The following IKZF2 variants were observed in gnomAD, a reference collection of about 807,000 sequenced individuals.
IKZF2 encodes zinc finger protein Helios.
IKZF2 carries 15 observed loss-of-function variants against 49.2 expected under a neutral mutation model. That is an observed-to-expected ratio of 0.30 (90% confidence interval 0.20 to 0.47). The LOEUF (loss-of-function observed/expected upper bound fraction) is 0.47, where lower values mean the gene tolerates loss of function less well. Among genes scored for constraint, IKZF2 ranks in the 20% least tolerant of loss-of-function variants. The probability of loss-of-function intolerance (pLI) is 1.00; values close to 1 mark genes in which losing one functional copy is unlikely to be tolerated. For missense variants in IKZF2, 567 were observed against 664.6 expected, an observed-to-expected ratio of 0.85 and a Z score of 1.61; for synonymous variants, 227 against 221.4, an observed-to-expected ratio of 1.03 and a Z score of -0.23.
intron 4 of IKZF2, among the ~76,000 whole-genome samples, chr2:213,135,756 G>C (rs113913480): frequency 6.3e-4 from 96 of 151,726 alleles, no homozygotes; most frequent in African/African-American, 1.6e-3. Flanking sequence ...AAAGGAAAAG[G>C]AAAGAAAAGA....
In IKZF2 at chr2:213,003,938, G is replaced by C. The variant is rs1299127371; in HGVS notation, c.*3422C>G. 6.6e-6 allele frequency: 1 copy of C among 151,660 alleles called. No individual in the cohort carries two copies. The highest frequency in any genetic ancestry group is 1.5e-5 in the Non-Finnish European group (1 of 67,770). The allele number at this position is 151,660 out of a possible 1,614,324, so 9.4% of individuals were successfully genotyped here. On this transcript the variant is annotated 3_prime_UTR_variant, in exon 9 of 9. Coordinates refer to ENST00000434687, the MANE Select transcript of IKZF2 (RefSeq NM_001387220.1). ...GCTTAATCATTGTTTGTTTCACTTT[G>C]TTCTGTAAGTAGATAATAAGGACCC...
chr2:213,113,392 T>C (rs762811295), intron 4 of IKZF2, among the ~76,000 whole-genome samples: 9 of 152,154 alleles, frequency 5.9e-5, no homozygotes, highest in Admixed American at 2.6e-4. Flanking sequence ...AATGATCTTA[T>C]CTCTTCCTTA....
chr2:213,026,174 C>T (rs1697798506), intron 6 of IKZF2, among the ~76,000 whole-genome samples: 1 of 152,150 alleles, frequency 6.6e-6, no homozygotes, highest in Non-Finnish European at 1.5e-5. Context: ...TTTACACCTA[C>T]ACTTCTGAGT....
intron 7 of IKZF2, among the ~76,000 whole-genome samples, chr2:213,019,726 CT>C (rs1400759365): frequency 3.9e-5 from 6 of 152,282 alleles, no homozygotes; most frequent in African/African-American, 1.4e-4. Flanking sequence ...CCCAGTGCCC[CT>C]ACCCCTTTCC....
intron 8 of IKZF2, among the ~76,000 whole-genome samples, chr2:213,010,840 T>A (rs774214217): frequency 2.0e-5 from 3 of 152,068 alleles, no homozygotes; most frequent in Non-Finnish European, 4.4e-5. Flanking sequence ...GTTGGAAGGG[T>A]AGAAAATAAG....
Position 213,007,270 on chromosome 2 carries a change from C to T in IKZF2, c.*90G>A, listed in dbSNP as rs1695424253. The T allele has an allele frequency of 2.2e-6, 3 of 1,371,680 alleles. No homozygotes were observed. The African/African-American group carries it at 4.4e-5, about 20-fold the overall frequency. The allele number at this position is 1,371,680 out of a possible 1,614,324, so 85.0% of individuals were successfully genotyped here. ...ATATTAAAAAAAATAAAAGGTATGT[C>T]AACATTTGAGGAAAGGTGGGATTGT... On this transcript the variant is annotated 3_prime_UTR_variant, in exon 9 of 9. Coordinates refer to ENST00000434687, the MANE Select transcript of IKZF2 (RefSeq NM_001387220.1).
chr2:213,096,492 T>C (rs1299765040), intron 4 of IKZF2, among the ~76,000 whole-genome samples: 3 of 151,996 alleles, frequency 2.0e-5, no homozygotes, highest in Non-Finnish European at 2.9e-5. Context: ...TATAATATAC[T>C]ATAAAGTATT....
At chr2:213,140,215 T>C (rs2060817940) in intron 4 of IKZF2, among the ~76,000 whole-genome samples, 1 of 151,970 alleles carries the variant, frequency 6.6e-6, no homozygotes, top group Admixed American at 6.6e-5. Flanking sequence ...AGTCAGCGCT[T>C]ACATTTTTAA....
At chr2:213,019,452 T>C (rs1436463206) in intron 7 of IKZF2, among the ~76,000 whole-genome samples, 1 of 152,176 alleles carries the variant, frequency 6.6e-6, no homozygotes, top group Non-Finnish European at 1.5e-5. Flanking sequence ...TACAGAACCA[T>C]GTTTTTCTCT....
intron 6 of IKZF2, 32 bp from the exon 7 acceptor site, chr2:213,022,162 T>C (rs746069696): frequency 6.5e-7 from 1 of 1,536,992 alleles, no homozygotes; most frequent in East Asian, 2.4e-5. Context: ...AGTGTGCTGT[T>C]AGTCTCATCA....
intron 4 of IKZF2, among the ~76,000 whole-genome samples, chr2:213,064,187 T>A (rs971393102): frequency 3.3e-5 from 5 of 151,998 alleles, no homozygotes; most frequent in African/African-American, 1.2e-4. Flanking sequence ...GGTGGTAGGT[T>A]AAGGCAGCAA....
chr2:213,116,579 A>G (rs1257236689), intron 4 of IKZF2, among the ~76,000 whole-genome samples: 1 of 152,160 alleles, frequency 6.6e-6, no homozygotes. Context: ...TACAAAAAAC[A>G]TTTAAAAAAT....
At chr2:213,106,405 G>A (rs542921669) in intron 4 of IKZF2, among the ~76,000 whole-genome samples, 3 of 151,960 alleles carry the variant, frequency 2.0e-5, no homozygotes, top group South Asian at 2.1e-4. Flanking sequence ...TTGGGAGGCC[G>A]CGGCTGGAGA....
chr2:213,075,311 T>C (rs575287416), intron 4 of IKZF2, among the ~76,000 whole-genome samples: 14 of 152,252 alleles, frequency 9.2e-5, no homozygotes, highest in African/African-American at 3.4e-4. Flanking sequence ...AAACTGGCCA[T>C]TGCAATACTT....
intron 4 of IKZF2, among the ~76,000 whole-genome samples, chr2:213,142,222 G>A (rs929663774): frequency 2.0e-5 from 3 of 151,766 alleles, no homozygotes; most frequent in South Asian, 2.1e-4. Context: ...AATGTTGAGC[G>A]CCACCCCCCT....
At chr2:213,091,190 TTGTG>T in intron 4 of IKZF2, among the ~76,000 whole-genome samples, 1 of 152,290 alleles carries the variant, frequency 6.6e-6, no homozygotes, top group South Asian at 2.1e-4. Context: ...AGGTAAGTGT[TTGTG>T]TAACAACTTT....
At chr2:213,074,886 CG>C in intron 4 of IKZF2, among the ~76,000 whole-genome samples, 1 of 152,250 alleles carries the variant, frequency 6.6e-6, no homozygotes, top group South Asian at 2.1e-4. Context: ...GGTTATTAAA[CG>C]TAAGCCTAAA....
At chr2:213,086,097 T>TA (rs1364145302) in intron 4 of IKZF2, among the ~76,000 whole-genome samples, 1 of 152,192 alleles carries the variant, frequency 6.6e-6, no homozygotes, top group East Asian at 1.9e-4. Context: ...TAGGAATCAT[T>TA]ACTCCACTAA....
chr2:213,124,227 C>G (rs956964163), intron 4 of IKZF2, among the ~76,000 whole-genome samples: 3 of 145,018 alleles, frequency 2.1e-5, no homozygotes, highest in Non-Finnish European at 3.0e-5. Flanking sequence ...CTTGTGTGCA[C>G]GCACACATGC....
Sources: allele counts gnomAD v4.1 joint callset (sites outside exome capture counted in the v4.1 genomes callset), GRCh38; gene constraint gnomAD v4.1.1; transcripts MANE v1.5; gene names NCBI Gene and HGNC (gene_info 2026-07-23, HGNC 2026-07-21).